The following RBMS3 variants were observed in gnomAD, a reference collection of about 807,000 sequenced individuals.
The protein encoded by RBMS3 is RNA-binding motif, single-stranded-interacting protein 3.
Under a neutral mutation model 66.8 loss-of-function variants are expected in RBMS3, and 27 were observed. The observed-to-expected ratio is 0.40, with a 90% CI of 0.30 to 0.56. The LOEUF (loss-of-function observed/expected upper bound fraction) is 0.56. RBMS3 is among the 20% of genes least tolerant of loss of function. The pLI is 0.40. For synonymous variants in RBMS3, 188 were observed against 183.0 expected, an observed-to-expected ratio of 1.03 and a Z score of -0.22; for missense variants, 513 against 549.5, an observed-to-expected ratio of 0.93 and a Z score of 0.66.
At chr3:29,983,704 G>A (rs1054992001) in intron 12 of RBMS3, among the ~76,000 whole-genome samples, 6 of 151,856 alleles carry the variant, frequency 4.0e-5, no homozygotes, top group African/African-American at 1.2e-4. Context: ...GAAATTCTGG[G>A]TAGAAAATTC....
chr3:29,690,401 G>A (rs79921201), intron 4 of RBMS3, among the ~76,000 whole-genome samples: 7,758 of 152,178 alleles, frequency 0.051, 686 homozygotes, highest in African/African-American at 0.18. Flanking sequence ...AGTGAGCTGT[G>A]TTCTTGACAG....
chr3:29,525,141 A>G (rs1490721004), intron 3 of RBMS3, among the ~76,000 whole-genome samples: 1 of 152,164 alleles, frequency 6.6e-6, no homozygotes, highest in Non-Finnish European at 1.5e-5. Context: ...TTTAGTGAGG[A>G]AAAACATTAA....
chr3:29,848,806 G>T (rs1016397882), intron 6 of RBMS3, among the ~76,000 whole-genome samples: 2 of 151,890 alleles, frequency 1.3e-5, no homozygotes, highest in Admixed American at 6.6e-5. Flanking sequence ...CTTGTAAGAG[G>T]TTTTTTTTGT....
At chr3:29,833,755 A>T (rs1306410546) in intron 6 of RBMS3, among the ~76,000 whole-genome samples, 1 of 152,166 alleles carries the variant, frequency 6.6e-6, no homozygotes, top group Non-Finnish European at 1.5e-5. Context: ...AAAGGAACAG[A>T]ATTCTTATTT....
chr3:29,755,615 GGT>G (rs2055374690), intron 5 of RBMS3, among the ~76,000 whole-genome samples: 1 of 152,194 alleles, frequency 6.6e-6, no homozygotes, highest in African/African-American at 2.4e-5. Flanking sequence ...CAACCACAAG[GGT>G]GTTTCCAGAG....
intron 10 of RBMS3, among the ~76,000 whole-genome samples, chr3:29,921,355 G>A (rs372689142): frequency 6.6e-6 from 1 of 151,802 alleles, no homozygotes; most frequent in Non-Finnish European, 1.5e-5. Context: ...TCGAGCCGCA[G>A]CACCTGGTTT....
rs112268078 is a variant in RBMS3, at chr3:29,854,161, C to T, written c.638-14697C>T. ...CCTGGCACTGCTCCCCAGCCTCCTC[C>T]CAGCTCCAGGCTGAGAAGGGCGTCC... On this transcript the variant is annotated intron_variant, in intron 6 of 14. Coordinates refer to ENST00000383767, the MANE Select transcript of RBMS3 (RefSeq NM_001003793.3). Among the ~76,000 whole-genome samples, 452 of 152,288 alleles carry T rather than the reference C, an allele frequency of 3.0e-3. 8 individuals are homozygous for T. The highest frequency in any genetic ancestry group is 0.01 in the African/African-American group (421 of 41,554).
In RBMS3 at chr3:29,578,790, CT is replaced by C. The variant is rs1185861167; in HGVS notation, c.308-8302del. On this transcript the variant is annotated intron_variant, in intron 3 of 14. Coordinates refer to ENST00000383767, the MANE Select transcript of RBMS3 (RefSeq NM_001003793.3). ...AAAGAATCACAGGTAATACATGCTT[CT>C]TTTTTTTTTTTTTTTTTTTTTGAGA... 2.0e-3 allele frequency among the ~76,000 whole-genome samples: 201 copies of C among 101,064 alleles called. 2 individuals carry two copies. The highest frequency in any genetic ancestry group is 5.7e-3 in the African/African-American group (125 of 22,048). The allele number at this position is 101,064 out of a possible 152,430, so 66.3% of individuals were successfully genotyped here.
intron 1 of RBMS3, among the ~76,000 whole-genome samples, chr3:29,390,636 G>A (rs2039247459): frequency 6.6e-6 from 1 of 152,146 alleles, no homozygotes; most frequent in Non-Finnish European, 1.5e-5. Context: ...TGGTTGATTA[G>A]TGTATCTTAG....
intron 3 of RBMS3, among the ~76,000 whole-genome samples, chr3:29,514,650 CAT>C (rs10601940): frequency 0.33 from 34,462 of 103,456 alleles, 5,418 homozygotes; most frequent in Middle Eastern, 0.42. Context: ...GTGATAGGCA[CAT>C]ATATATATAT....
At chr3:29,383,598 G>T (rs1007879321) in intron 1 of RBMS3, among the ~76,000 whole-genome samples, 3 of 152,172 alleles carry the variant, frequency 2.0e-5, no homozygotes, top group Non-Finnish European at 4.4e-5. Context: ...AAGGAATAGG[G>T]ATATATTGTT....
intron 3 of RBMS3, among the ~76,000 whole-genome samples, chr3:29,531,540 T>C (rs1276771100): frequency 6.6e-6 from 1 of 152,244 alleles, no homozygotes; most frequent in Non-Finnish European, 1.5e-5. Flanking sequence ...AAGAAAACCT[T>C]GTCATCTCTT....
Position 29,578,396 on chromosome 3 carries a change from A to T in RBMS3, c.308-8718A>T, listed in dbSNP as rs190217669. Among the ~76,000 whole-genome samples the T allele has an allele frequency of 3.3e-3, 497 of 152,308 alleles. 8 individuals carry two copies. Among genetic ancestry groups the T allele is most frequent in the Admixed American group, 0.029 (437 of 15,296 alleles). On this transcript the variant is annotated intron_variant, in intron 3 of 14. Transcript: ENST00000383767. The stretch of plus-strand genomic sequence containing the variant: ...TTTTATTTTTAAAACTCTAATACTT[A>T]GTTAAACTTGTATTTGATATGTCAA...
intron 4 of RBMS3, among the ~76,000 whole-genome samples, chr3:29,590,748 A>G (rs2047704814): frequency 6.6e-6 from 1 of 152,100 alleles, no homozygotes; most frequent in Admixed American, 6.6e-5. Context: ...ATCCCTGCTA[A>G]CAATAAGTTA....
intron 4 of RBMS3, among the ~76,000 whole-genome samples, chr3:29,682,004 C>G (rs1397256577): frequency 1.3e-5 from 2 of 152,170 alleles, no homozygotes; most frequent in Admixed American, 6.5e-5. Flanking sequence ...TATCTACAAC[C>G]TCACCAGCAT....
At chr3:29,467,515 T>C (rs550360225) in intron 2 of RBMS3, among the ~76,000 whole-genome samples, 1 of 152,288 alleles carries the variant, frequency 6.6e-6, no homozygotes, top group African/African-American at 2.4e-5. Flanking sequence ...TGGTTCAGTA[T>C]GTTTGGGATG....
chr3:29,334,758 T>C (rs1389548625), intron 1 of RBMS3, among the ~76,000 whole-genome samples: 1 of 152,190 alleles, frequency 6.6e-6, no homozygotes, highest in Non-Finnish European at 1.5e-5. Flanking sequence ...GGTCTGCTGT[T>C]GCTGAGACAA....
At chr3:29,902,772 TA>T (rs1459736559) in intron 10 of RBMS3, among the ~76,000 whole-genome samples, 2 of 151,936 alleles carry the variant, frequency 1.3e-5, no homozygotes, top group East Asian at 3.9e-4. Flanking sequence ...ACCAAGCGTG[TA>T]CACTGATTCC....
chr3:29,914,878 T>G (rs1208876807), intron 10 of RBMS3, among the ~76,000 whole-genome samples: 1 of 151,808 alleles, frequency 6.6e-6, no homozygotes, highest in Non-Finnish European at 1.5e-5. Context: ...TCAGGAAACT[T>G]TTTTTTATTA....
Sources: gnomAD v4.1 joint callset for allele counts (sites outside exome capture counted in the v4.1 genomes callset) on GRCh38, gnomAD v4.1.1 for gene constraint, MANE v1.5 for transcripts, NCBI Gene and HGNC (gene_info 2026-07-23, HGNC 2026-07-21) for gene names.